CAMK1D: variants seen among roughly 807,000 people sequenced by gnomAD.
CAMK1D encodes the protein calcium/calmodulin dependent protein kinase ID.
A neutral mutation model predicts 47.7 loss-of-function variants in CAMK1D; 9 were observed. The ratio of observed to expected loss-of-function variants is 0.19; its 90% confidence interval spans 0.11 to 0.33. The LOEUF (loss-of-function observed/expected upper bound fraction) is 0.33, where lower values mean the gene tolerates loss of function less well. Among genes scored for constraint, CAMK1D ranks in the 10% least tolerant of loss-of-function variants. CAMK1D has a pLI of 1.00. For missense variants in CAMK1D, 291 were observed against 488.7 expected (o/e 0.60, Z 3.81); for synonymous variants, 184 against 184.9 (o/e 0.99, Z 0.04).
intron 1 of CAMK1D, among the ~76,000 whole-genome samples, chr10:12,544,158 C>T (rs1564402223): frequency 1.3e-5 from 2 of 152,186 alleles, no homozygotes; most frequent in Non-Finnish European, 2.9e-5. Context: ...AGCCTATCAT[C>T]AGGTGAAGAA....
chr10:12,652,826 G>C (rs913571123), intron 2 of CAMK1D, among the ~76,000 whole-genome samples: 5 of 152,204 alleles, frequency 3.3e-5, no homozygotes, highest in Non-Finnish European at 1.5e-5. Flanking sequence ...AGAGGTGGAT[G>C]TGTATTACAC....
At chr10:12,785,600 C>G (rs1239074380) in intron 5 of CAMK1D, among the ~76,000 whole-genome samples, 1 of 152,218 alleles carries the variant, frequency 6.6e-6, no homozygotes, top group Non-Finnish European at 1.5e-5. Context: ...CCCGGAGGGA[C>G]TGTGCTGGGC....
intron 5 of CAMK1D, among the ~76,000 whole-genome samples, chr10:12,772,674 C>T (rs2130939802): frequency 6.6e-6 from 1 of 152,308 alleles, no homozygotes; most frequent in Middle Eastern, 3.4e-3. Flanking sequence ...GAGTCCATCG[C>T]TCTTGCTACT....
intron 2 of CAMK1D, 125 bp downstream of exon 2, chr10:12,553,481 A>G: frequency 1.4e-6 from 1 of 697,272 alleles, no homozygotes; most frequent in South Asian, 1.7e-5. Context: ...CAGGCTGTGC[A>G]AACGATAACC....
intron 2 of CAMK1D, among the ~76,000 whole-genome samples, chr10:12,657,978 T>C (rs1840165721): frequency 6.6e-6 from 1 of 152,046 alleles, no homozygotes; most frequent in South Asian, 2.1e-4. Context: ...GGTGAAACCC[T>C]GTCTCTACTA....
chr10:12,436,139 G>A (rs555290974), intron 1 of CAMK1D, among the ~76,000 whole-genome samples: 39 of 152,298 alleles, frequency 2.6e-4, no homozygotes, highest in African/African-American at 8.2e-4. Flanking sequence ...TCCGGGCCCC[G>A]GCTTCATCTG....
chr10:12,504,453 G>A (rs1007754408), intron 1 of CAMK1D, among the ~76,000 whole-genome samples: 1 of 152,094 alleles, frequency 6.6e-6, no homozygotes, highest in Non-Finnish European at 1.5e-5. Context: ...AAGTGAAGTC[G>A]CCCACCCTTC....
chr10:12,390,448 C>T (rs999624884), intron 1 of CAMK1D, among the ~76,000 whole-genome samples: 6 of 152,176 alleles, frequency 3.9e-5, no homozygotes, highest in South Asian at 2.1e-4. Flanking sequence ...CATTGTATCT[C>T]TAGCTCTGTC....
intron 1 of CAMK1D, among the ~76,000 whole-genome samples, chr10:12,366,802 C>T (rs955506807): frequency 6.6e-6 from 1 of 152,032 alleles, no homozygotes; most frequent in African/African-American, 2.4e-5. Context: ...GATCTAGACT[C>T]ACTGGAGGTA....
chr10:12,541,776 G>A (rs2132245743), intron 1 of CAMK1D, among the ~76,000 whole-genome samples: 1 of 152,064 alleles, frequency 6.6e-6, no homozygotes, highest in South Asian at 2.1e-4. Flanking sequence ...GGTCTAAAAG[G>A]CACCTGTCTG....
At chr10:12,403,803 G>A (rs1414043553) in intron 1 of CAMK1D, among the ~76,000 whole-genome samples, 1 of 151,822 alleles carries the variant, frequency 6.6e-6, no homozygotes, top group Non-Finnish European at 1.5e-5. Context: ...TCCCCCATCA[G>A]CATCTCAACT....
At chr10:12,558,666 A>T (rs1836841142) in intron 2 of CAMK1D, among the ~76,000 whole-genome samples, 1 of 152,014 alleles carries the variant, frequency 6.6e-6, no homozygotes, top group African/African-American at 2.4e-5. Flanking sequence ...AGAGAGGGGG[A>T]TGCATAGATT....
chr10:12,350,132 G>A (rs1272681108), intron 1 of CAMK1D, among the ~76,000 whole-genome samples: 1 of 152,088 alleles, frequency 6.6e-6, no homozygotes, highest in African/African-American at 2.4e-5. Flanking sequence ...GGGCAGCGCC[G>A]GGCTGTCAGG....
intron 3 of CAMK1D, among the ~76,000 whole-genome samples, chr10:12,753,076 A>G (rs1045858770): frequency 6.6e-6 from 1 of 152,114 alleles, no homozygotes; most frequent in Admixed American, 6.6e-5. Context: ...ACATGGTGAA[A>G]CCCCATCTCT....
intron 1 of CAMK1D, among the ~76,000 whole-genome samples, chr10:12,431,501 A>T (rs1226994539): frequency 1.3e-5 from 2 of 152,162 alleles, no homozygotes; most frequent in African/African-American, 4.8e-5. Context: ...CACTCCCGAG[A>T]GGTAGATGCA....
rs1833090435 is a variant in CAMK1D, at chr10:12,694,121, CATAATAT to C, written c.299+27315_299+27321del. 1.5e-4 allele frequency among the ~76,000 whole-genome samples: 2 copies of C among 13,242 alleles called. 1 individual carries two copies. Among genetic ancestry groups the C allele is most frequent in the Admixed American group, 3.0e-3 (2 of 674 alleles). 8.7% of individuals were successfully genotyped at this position (13,242 alleles called of 152,430 possible). A position where few individuals can be genotyped will look rare whatever the true frequency, so the allele number is the denominator to read the frequency against. ...TATATAATATATAATATATATTATG[CATAATAT>C]ATATTATATATAATATAATATATAA... On this transcript the variant is annotated intron_variant, in intron 3 of 10. Transcript: ENST00000619168.
At chr10:12,422,183 G>C (rs1840076365) in intron 1 of CAMK1D, among the ~76,000 whole-genome samples, 1 of 152,206 alleles carries the variant, frequency 6.6e-6, no homozygotes, top group Non-Finnish European at 1.5e-5. Flanking sequence ...AGGTATTCAG[G>C]AGTGATTTTT....
At chr10:12,572,722 C>T (rs1165121805) in intron 2 of CAMK1D, among the ~76,000 whole-genome samples, 1 of 152,106 alleles carries the variant, frequency 6.6e-6, no homozygotes, top group African/African-American at 2.4e-5. Context: ...GCCTCAAGCT[C>T]CTGGGCTTAA....
intron 1 of CAMK1D, among the ~76,000 whole-genome samples, chr10:12,536,769 G>T (rs953308529): frequency 3.9e-5 from 6 of 152,180 alleles, no homozygotes; most frequent in Non-Finnish European, 7.3e-5. Flanking sequence ...AAGAAATACT[G>T]TATCTTTTGG....
Sources: allele counts gnomAD v4.1 joint callset (sites outside exome capture counted in the v4.1 genomes callset), GRCh38; gene constraint gnomAD v4.1.1; transcripts MANE v1.5; gene names NCBI Gene and HGNC (gene_info 2026-07-23, HGNC 2026-07-21).